The following LUZP2 variants were observed in gnomAD, a reference collection of about 807,000 sequenced individuals.
The protein encoded by LUZP2 is leucine zipper protein 2.
Under a neutral mutation model 51.6 loss-of-function variants are expected in LUZP2, and 52 were observed. The ratio of observed to expected loss-of-function variants is 1.01; its 90% CI spans 0.81 to 1.27. LUZP2 has a LOEUF of 1.27. LUZP2 is among the 50% of genes most tolerant of loss of function. The pLI is 0.00. For missense variants in LUZP2, 436 were observed against 395.4 expected, an observed-to-expected ratio of 1.10 and a Z score of -0.87; for synonymous variants, 154 against 137.3, an observed-to-expected ratio of 1.12 and a Z score of -0.85.
intron 1 of LUZP2, among the ~76,000 whole-genome samples, chr11:24,697,288 A>C (rs2133901060): frequency 6.6e-6 from 1 of 152,314 alleles, no homozygotes; most frequent in South Asian, 2.1e-4. Flanking sequence ...AAGGTGAATT[A>C]GAGTGTAAAT....
At chr11:24,616,475 ATGTG>A (rs61413263) in intron 1 of LUZP2, among the ~76,000 whole-genome samples, 10 of 98,526 alleles carry the variant, frequency 1.0e-4, no homozygotes, top group Middle Eastern at 5.1e-3. Flanking sequence ...TGGCGTGCGC[ATGTG>A]TGTGTGTGTG....
intron 9 of LUZP2, among the ~76,000 whole-genome samples, chr11:24,987,117 A>G (rs1177682750): frequency 1.3e-5 from 2 of 151,922 alleles, no homozygotes; most frequent in African/African-American, 2.4e-5. Flanking sequence ...AAACATTAGC[A>G]TATGTTGTGG....
intron 7 of LUZP2, among the ~76,000 whole-genome samples, chr11:24,919,742 G>T (rs1276943347): frequency 6.7e-6 from 1 of 149,806 alleles, no homozygotes; most frequent in Non-Finnish European, 1.5e-5. Context: ...TAGTTTTTAT[G>T]AAACATTTAT....
At chr11:24,609,320 T>G (rs891642762) in intron 1 of LUZP2, among the ~76,000 whole-genome samples, 2 of 152,124 alleles carry the variant, frequency 1.3e-5, no homozygotes, top group African/African-American at 4.8e-5. Flanking sequence ...TGACAGATTG[T>G]GAAAGCAAAG....
At chr11:24,998,602 A>G (rs1212683450) in intron 9 of LUZP2, among the ~76,000 whole-genome samples, 2 of 152,228 alleles carry the variant, frequency 1.3e-5, no homozygotes, top group African/African-American at 2.4e-5. Flanking sequence ...TTAATGAAAT[A>G]AAAATCAGAT....
intron 5 of LUZP2, among the ~76,000 whole-genome samples, chr11:24,825,980 T>C (rs1255647246): frequency 6.6e-5 from 10 of 151,436 alleles, no homozygotes; most frequent in Admixed American, 6.6e-4. Flanking sequence ...GGTCAGGAGA[T>C]CGAGACCACG....
At chr11:24,823,786 A>T (rs1257309324) in intron 5 of LUZP2, among the ~76,000 whole-genome samples, 1 of 152,172 alleles carries the variant, frequency 6.6e-6, no homozygotes, top group Non-Finnish European at 1.5e-5. Context: ...TGGTACGGCC[A>T]GGCATGGTGG....
At chr11:24,866,153 C>CAT (rs1851890557) in intron 5 of LUZP2, among the ~76,000 whole-genome samples, 2 of 83,420 alleles carry the variant, frequency 2.4e-5, no homozygotes, top group Non-Finnish European at 5.0e-5. Flanking sequence ...CACACACACA[C>CAT]GTATATATTT....
intron 7 of LUZP2, among the ~76,000 whole-genome samples, chr11:24,948,319 GTCA>G (rs1336827833): frequency 6.6e-6 from 1 of 151,214 alleles, no homozygotes; most frequent in African/African-American, 2.4e-5. Flanking sequence ...CTAAGACATT[GTCA>G]TCATACCTTC....
At chr11:24,613,186 A>C (rs1341122991) in intron 1 of LUZP2, among the ~76,000 whole-genome samples, 1 of 152,116 alleles carries the variant, frequency 6.6e-6, no homozygotes, top group Non-Finnish European at 1.5e-5. Flanking sequence ...TCTAAGAACA[A>C]ATGAAATTTC....
At chr11:24,912,082 T>A (rs367586073) in intron 6 of LUZP2, among the ~76,000 whole-genome samples, 1 of 152,012 alleles carries the variant, frequency 6.6e-6, no homozygotes, top group Non-Finnish European at 1.5e-5. Flanking sequence ...ACTCTTAACT[T>A]ACCCTTCCTT....
At chr11:24,582,362 TAG>T (rs1852894636) in intron 1 of LUZP2, among the ~76,000 whole-genome samples, 1 of 128,092 alleles carries the variant, frequency 7.8e-6, no homozygotes, top group Non-Finnish European at 1.6e-5. Context: ...TAGAAATAAA[TAG>T]AGAGATGAAT....
At chr11:24,635,294 C>CA (rs896487449) in intron 1 of LUZP2, among the ~76,000 whole-genome samples, 47 of 151,184 alleles carry the variant, frequency 3.1e-4, no homozygotes, top group Non-Finnish European at 5.0e-4. Context: ...GGAGCATTAC[C>CA]AAAAAAATGC....
chr11:24,520,834 G>A (rs1025677729), intron 1 of LUZP2, among the ~76,000 whole-genome samples: 3 of 152,168 alleles, frequency 2.0e-5, no homozygotes, highest in African/African-American at 7.2e-5. Flanking sequence ...CCCATTGCAT[G>A]GGGAATAGCA....
At position 24,633,669 on chromosome 11, in the gene LUZP2, G is replaced by T. The variant is rs1014154548; in HGVS notation, c.63-95500G>T. Among the ~76,000 whole-genome samples the T allele has an allele frequency of 8.6e-5, 13 of 151,932 alleles. No homozygotes were observed. In the East Asian group the frequency reaches 1.2e-3, roughly 14 times the overall value. ...TTACTTTTATAAAAAGTTTTATAGA[G>T]AAAATATACATTGTTAATGTTGACC... On this transcript the variant is annotated intron_variant, in intron 1 of 11. Transcript: ENST00000336930.
intron 1 of LUZP2, among the ~76,000 whole-genome samples, chr11:24,632,887 A>T (rs928454143): frequency 6.6e-6 from 1 of 152,016 alleles, no homozygotes; most frequent in Non-Finnish European, 1.5e-5. Flanking sequence ...TGTTTGAGAG[A>T]ACACCATTTC....
intron 1 of LUZP2, among the ~76,000 whole-genome samples, chr11:24,703,577 C>G (rs774298841): frequency 2.0e-5 from 3 of 151,984 alleles, no homozygotes; most frequent in Non-Finnish European, 4.4e-5. Context: ...AATCCCAGTA[C>G]TTTGGGAGGC....
intron 5 of LUZP2, among the ~76,000 whole-genome samples, chr11:24,860,289 T>G (rs1851701110): frequency 6.6e-6 from 1 of 152,134 alleles, no homozygotes; most frequent in African/African-American, 2.4e-5. Flanking sequence ...CGACAGAATC[T>G]GATCTCCCTG....
At chr11:24,585,348 A>G (rs964041450) in intron 1 of LUZP2, among the ~76,000 whole-genome samples, 91 of 152,346 alleles carry the variant, frequency 6.0e-4, no homozygotes, top group African/African-American at 2.1e-3. Flanking sequence ...TCCAGCTGCC[A>G]TCAGCCAGAA....
Sources: gnomAD v4.1 joint callset for allele counts (sites outside exome capture counted in the v4.1 genomes callset) on GRCh38, gnomAD v4.1.1 for gene constraint, MANE v1.5 for transcripts, NCBI Gene and HGNC (gene_info 2026-07-23, HGNC 2026-07-21) for gene names.